Variants in MROH9 observed in about 807,000 individuals in gnomAD.
MROH9 encodes the protein maestro heat-like repeat-containing protein family member 9.
Under a neutral mutation model 98.2 loss-of-function variants are expected in MROH9, and 92 were observed. The ratio of observed to expected loss-of-function variants is 0.94; its 90% CI spans 0.79 to 1.11. MROH9 has a LOEUF of 1.11. MROH9 is among the 50% of genes most tolerant of loss of function. The probability of loss-of-function intolerance (pLI) is 0.00; values close to 1 mark genes in which losing one functional copy is unlikely to be tolerated. For missense variants in MROH9, 1,057 were observed against 1,014.8 expected (o/e 1.04, Z -0.57); for synonymous variants, 397 against 368.9 (o/e 1.08, Z -0.87).
rs374872053 is a variant in MROH9 at position 170,947,989 on chromosome 1, C to T, written c.72+416C>T. Reference sequence around the variant, plus strand: ...ATGATATTATTTCCTTATTTGAGAGCCATTCTAGTTTGTGTCTTTCCTTTT... The same window carrying T: ...ATGATATTATTTCCTTATTTGAGAGTCATTCTAGTTTGTGTCTTTCCTTTT... On this transcript the variant is annotated intron_variant, in intron 3 of 21. Coordinates refer to ENST00000367759, the MANE Select transcript of MROH9 (RefSeq NM_001163629.2). Among the ~76,000 whole-genome samples the T allele has an allele frequency of 4.0e-5, 6 of 151,872 alleles. No homozygotes were observed. The East Asian group carries it at 9.6e-4, about 24-fold the overall frequency.
At chr1:170,963,543 T>G (rs1650110429) in intron 6 of MROH9, among the ~76,000 whole-genome samples, 1 of 152,166 alleles carries the variant, frequency 6.6e-6, no homozygotes, top group African/African-American at 2.4e-5. Context: ...ATATACTTGT[T>G]GCAGCACTAT....
At chr1:170,947,119 A>T (rs1649361139) in intron 2 of MROH9, among the ~76,000 whole-genome samples, 1 of 151,978 alleles carries the variant, frequency 6.6e-6, no homozygotes, top group Non-Finnish European at 1.5e-5. Context: ...ACATTAAGAC[A>T]TGAACTACAT....
chr1:171,029,075 T>G (rs1652821827), intron 20 of MROH9, among the ~76,000 whole-genome samples: 1 of 152,188 alleles, frequency 6.6e-6, no homozygotes, highest in Non-Finnish European at 1.5e-5. Context: ...GAGAAGCCAT[T>G]CTTGTTTTGT....
At chr1:171,055,467 T>TA (rs1441600512) in intron 20 of MROH9, among the ~76,000 whole-genome samples, 1 of 151,466 alleles carries the variant, frequency 6.6e-6, no homozygotes, top group Non-Finnish European at 1.5e-5. Context: ...CTAAAAATAC[T>TA]AAAAAATTAG....
At position 170,990,013 on chromosome 1, in the gene MROH9, C is replaced by T; in HGVS notation, c.1028+10C>T. On this transcript the variant is annotated intron_variant, in intron 11 of 21. Transcript: ENST00000367759. ...CAGTTCCAGCAGACGAGTAAGGCCC[C>T]CCAACCCTCTGTCCCTTCCACAAGG... 1 of 1,606,910 alleles carries T rather than the reference C, an allele frequency of 6.2e-7. No homozygotes were observed. Among genetic ancestry groups the T allele is most frequent in the Non-Finnish European group, 8.5e-7 (1 of 1,175,272 alleles).
chr1:170,971,725 G>A (rs762474500), intron 7 of MROH9, 23 bp from the exon 8 acceptor site: 1 of 1,613,216 alleles, frequency 6.2e-7, no homozygotes, highest in East Asian at 2.2e-5. Flanking sequence ...GCAAATGCAT[G>A]TTCTCCTTTG....
chr1:170,977,171 G>A (rs960619088), intron 8 of MROH9, among the ~76,000 whole-genome samples: 2 of 151,906 alleles, frequency 1.3e-5, no homozygotes, highest in African/African-American at 4.8e-5. Flanking sequence ...CCTTGGACTG[G>A]GTTTTGCTAT....
At chr1:171,032,283 T>C (rs965468903) in intron 20 of MROH9, among the ~76,000 whole-genome samples, 2 of 152,212 alleles carry the variant, frequency 1.3e-5, no homozygotes, top group Non-Finnish European at 2.9e-5. Flanking sequence ...CTACTGTCGA[T>C]TCATCCATCT....
intron 1 of MROH9, among the ~76,000 whole-genome samples, chr1:170,937,614 C>CG (rs1557864537): frequency 1.4e-5 from 2 of 147,884 alleles, no homozygotes; most frequent in Non-Finnish European, 3.0e-5. Context: ...CTCCGCCTCC[C>CG]GGGTTCACGC....
chr1:171,002,327 C>A lies in MROH9; in HGVS notation c.1596+4053C>A, dbSNP rs533514223. On this transcript the variant is annotated intron_variant, in intron 15 of 21. Coordinates refer to ENST00000367759, the MANE Select transcript of MROH9 (RefSeq NM_001163629.2). ...TTTGTTTTTTGTTTTTGCTTTTTAA[C>A]TTGTATTTTTGTTTTATAGGTCCTG... 4.8e-4 allele frequency among the ~76,000 whole-genome samples: 73 copies of A among 152,046 alleles called. 1 individual carries two copies. The highest frequency in any genetic ancestry group is 1.7e-3 in the African/African-American group (72 of 41,518).
intron 3 of MROH9, 95 bp downstream of exon 3, chr1:170,947,668 T>C: frequency 8.7e-7 from 1 of 1,152,148 alleles, no homozygotes; most frequent in Non-Finnish European, 1.3e-6. Context: ...ACAAGTAATG[T>C]TTAAAATACA....
chr1:171,064,276 C>A lies in MROH9; in HGVS notation c.2522C>A (p.Ser841Ter). Reference sequence around the variant, plus strand: ...TTGAAGCCTCTTTACAATTATAACTCACCCAATGGCCAGATAGACAGTCCT... The same window carrying A: ...TTGAAGCCTCTTTACAATTATAACTAACCCAATGGCCAGATAGACAGTCCT... The part of the protein sequence containing the change: ...KKLKPLYNYN[S>*]PNGQIDSPTD... Residue 841 changes from serine (S) to a stop codon, truncating the protein, a stop_gained, in exon 22 of 22, where the codon TCA (serine) becomes TAA (stop). Transcript: ENST00000367759. LOFTEE classifies it low-confidence loss of function (END_TRUNC). 1 of 1,551,168 alleles carries A rather than the reference C, an allele frequency of 6.4e-7. No individual in the cohort carries two copies. The highest frequency in any genetic ancestry group is 8.7e-7 in the Non-Finnish European group (1 of 1,146,702).
intron 16 of MROH9, chr1:171,015,162 A>T: frequency 2.3e-6 from 1 of 425,772 alleles, no homozygotes; most frequent in Non-Finnish European, 4.8e-6. Context: ...GTCTCTGAGA[A>T]CTGAAGCCTA....
intron 20 of MROH9, among the ~76,000 whole-genome samples, chr1:171,045,214 A>G (rs1653435419): frequency 6.6e-6 from 1 of 151,214 alleles, no homozygotes; most frequent in Non-Finnish European, 1.5e-5. Flanking sequence ...GTTAGCCAGG[A>G]TGGTCTCGAT....
intron 8 of MROH9, among the ~76,000 whole-genome samples, chr1:170,978,096 C>T (rs1650785400): frequency 6.6e-6 from 1 of 152,060 alleles, no homozygotes; most frequent in Non-Finnish European, 1.5e-5. Context: ...TCATTTGCCC[C>T]CTTGAGCTCT....
intron 8 of MROH9, among the ~76,000 whole-genome samples, chr1:170,972,829 T>TACACACACACACACAC (rs3980699): frequency 1.6e-5 from 2 of 128,682 alleles, no homozygotes; most frequent in Admixed American, 8.2e-5. Context: ...AAAAAAAAAA[T>TACACACACACACACAC]ACACACACAC....
At position 171,024,521 on chromosome 1, in the gene MROH9, G is replaced by A. The variant is rs1190036320; in HGVS notation, c.2035G>A (p.Glu679Lys). The stretch of plus-strand genomic sequence containing the variant: ...CTTGGTGCCCCTAATCCTATTTTTG[G>A]AGGATGATGATAAAAGAGTAGCTGA... Reference protein sequence around the residue: ...EGLVPLILFLEDDDKRVAEAC... With the variant: ...EGLVPLILFLKDDDKRVAEAC... The change falls in exon 18 of 22, where the codon GAG becomes AAG. Residue 679 changes from glutamate (E) to lysine (K), a missense_variant. By Grantham distance (56) the Glu-to-Lys change is moderately conservative. Transcript: ENST00000367759. 1 of 1,536,224 alleles carries A rather than the reference G, an allele frequency of 6.5e-7. No homozygotes were observed.
At chr1:170,963,904 T>C (rs1267317679) in intron 6 of MROH9, among the ~76,000 whole-genome samples, 6 of 151,896 alleles carry the variant, frequency 4.0e-5, no homozygotes, top group African/African-American at 1.4e-4. Flanking sequence ...TATCACAAGT[T>C]TATCTATATA....
intron 8 of MROH9, among the ~76,000 whole-genome samples, chr1:170,972,811 CA>C (rs141109310): frequency 0.082 from 9,288 of 112,812 alleles, 406 homozygotes; most frequent in Middle Eastern, 0.15. Flanking sequence ...GACTCCGCCT[CA>C]AAAAAAAAAA....
Sources: allele counts gnomAD v4.1 joint callset (sites outside exome capture counted in the v4.1 genomes callset), GRCh38; gene constraint gnomAD v4.1.1; transcripts MANE v1.5; gene names NCBI Gene and HGNC (gene_info 2026-07-23, HGNC 2026-07-21).